ERBB4: variants seen among roughly 807,000 people sequenced by gnomAD.
ERBB4 encodes the protein receptor tyrosine-protein kinase erbB-4.
In ERBB4, 42 loss-of-function variants were observed where a neutral mutation model predicts 158.0. The ratio of observed to expected loss-of-function variants is 0.27; its 90% CI spans 0.21 to 0.34. The LOEUF (loss-of-function observed/expected upper bound fraction) is 0.34. Among genes scored for constraint, ERBB4 ranks in the 10% least tolerant of loss-of-function variants. ERBB4 has a pLI of 1.00. For synonymous variants in ERBB4, 583 were observed against 558.7 expected, an observed-to-expected ratio of 1.04 and a Z score of -0.61; for missense variants, 1,333 against 1,624.1, an observed-to-expected ratio of 0.82 and a Z score of 3.08.
At chr2:212,000,655 A>G (rs546299210) in intron 2 of ERBB4, among the ~76,000 whole-genome samples, 3 of 152,008 alleles carry the variant, frequency 2.0e-5, no homozygotes, top group African/African-American at 7.2e-5. Flanking sequence ...CTATAGCTGA[A>G]ATTTAAATGG....
chr2:211,399,962 A>G (rs929273191), intron 25 of ERBB4, among the ~76,000 whole-genome samples: 1 of 152,184 alleles, frequency 6.6e-6, no homozygotes, highest in Middle Eastern at 3.2e-3. Flanking sequence ...ACAAACACAT[A>G]AGGAAGGACC....
At chr2:211,425,499 T>C (rs1486220207) in intron 22 of ERBB4, among the ~76,000 whole-genome samples, 1 of 152,024 alleles carries the variant, frequency 6.6e-6, no homozygotes. Flanking sequence ...CTGATTGTTA[T>C]TACATCTTTA....
chr2:211,634,022 G>A (rs542486514), intron 16 of ERBB4, among the ~76,000 whole-genome samples: 4 of 152,302 alleles, frequency 2.6e-5, no homozygotes, highest in African/African-American at 7.2e-5. Context: ...AGCTGGGCGT[G>A]GTGGCATGCA....
chr2:211,866,470 T>C (rs1170280890), intron 3 of ERBB4, among the ~76,000 whole-genome samples: 1 of 152,176 alleles, frequency 6.6e-6, no homozygotes, highest in African/African-American at 2.4e-5. Flanking sequence ...CAATACTATA[T>C]TATTGTACAA....
chr2:211,741,466 C>CACACACACAA (rs2106184059), intron 5 of ERBB4, among the ~76,000 whole-genome samples: 1 of 151,382 alleles, frequency 6.6e-6, no homozygotes, highest in Admixed American at 6.6e-5. Context: ...CACACACACA[C>CACACACACAA]ACACACACAC....
At chr2:211,735,115 T>C (rs1451819368) in intron 5 of ERBB4, among the ~76,000 whole-genome samples, 1 of 152,022 alleles carries the variant, frequency 6.6e-6, no homozygotes, top group Non-Finnish European at 1.5e-5. Context: ...TACCAAATAT[T>C]ACCATAAAGT....
intron 2 of ERBB4, among the ~76,000 whole-genome samples, chr2:211,977,530 T>TAAAAAA (rs1394107563): frequency 3.0e-4 from 2 of 6,688 alleles, no homozygotes; most frequent in African/African-American, 8.3e-4. Flanking sequence ...GATATTGACT[T>TAAAAAA]TAAAAAAAAA....
intron 2 of ERBB4, among the ~76,000 whole-genome samples, chr2:212,056,016 G>A (rs1202943912): frequency 6.6e-6 from 1 of 152,162 alleles, no homozygotes; most frequent in Non-Finnish European, 1.5e-5. Flanking sequence ...TCGCAAAGAA[G>A]CTAAAAACCT....
intron 3 of ERBB4, among the ~76,000 whole-genome samples, chr2:211,930,822 T>C (rs2080155246): frequency 6.6e-6 from 1 of 152,306 alleles, no homozygotes; most frequent in East Asian, 1.9e-4. Context: ...ATATATTTGG[T>C]ACTGTTTCTG....
chr2:212,005,153 T>C (rs919480115), intron 2 of ERBB4, among the ~76,000 whole-genome samples: 2 of 152,162 alleles, frequency 1.3e-5, no homozygotes, highest in African/African-American at 4.8e-5. Context: ...GAGTTCAATA[T>C]GTGTATATTT....
intron 25 of ERBB4, among the ~76,000 whole-genome samples, chr2:211,413,398 A>G (rs759685582): frequency 1.3e-5 from 2 of 151,824 alleles, no homozygotes; most frequent in Non-Finnish European, 2.9e-5. Context: ...AGCCCTTGTC[A>G]TAGGGAGGAT....
chr2:211,511,017 G>A (rs376057872), intron 20 of ERBB4, among the ~76,000 whole-genome samples: 3 of 151,322 alleles, frequency 2.0e-5, no homozygotes, highest in East Asian at 3.9e-4. Flanking sequence ...AAGCACCAAG[G>A]GATTATGAAA....
chr2:211,804,366 G>A (rs2076566268), intron 3 of ERBB4, among the ~76,000 whole-genome samples: 1 of 152,152 alleles, frequency 6.6e-6, no homozygotes, highest in South Asian at 2.1e-4. Context: ...TGATCCTTGG[G>A]AGTAGACGTG....
At chr2:211,895,386 T>C (rs962486666) in intron 3 of ERBB4, among the ~76,000 whole-genome samples, 5 of 152,178 alleles carry the variant, frequency 3.3e-5, no homozygotes, top group Admixed American at 3.3e-4. Context: ...GCTTCCCAAG[T>C]AGCTGGTACT....
intron 20 of ERBB4, among the ~76,000 whole-genome samples, chr2:211,439,609 T>C (rs1456951684): frequency 6.6e-6 from 1 of 152,194 alleles, no homozygotes; most frequent in Non-Finnish European, 1.5e-5. Flanking sequence ...TTCTGATAAG[T>C]TTTGTCGTGC....
At chr2:211,511,292 T>C (rs2065878856) in intron 20 of ERBB4, among the ~76,000 whole-genome samples, 1 of 152,060 alleles carries the variant, frequency 6.6e-6, no homozygotes, top group African/African-American at 2.4e-5. Flanking sequence ...GAAAAATATG[T>C]TAAGCTAATT....
chr2:211,418,367 A>T (rs1183463777), intron 25 of ERBB4, among the ~76,000 whole-genome samples: 1 of 152,174 alleles, frequency 6.6e-6, no homozygotes, highest in African/African-American at 2.4e-5. Flanking sequence ...ATGACAAATA[A>T]AGCTTTTTAA....
At chr2:211,667,565 T>TA (rs1457554080) in intron 14 of ERBB4, among the ~76,000 whole-genome samples, 2 of 152,120 alleles carry the variant, frequency 1.3e-5, no homozygotes, top group African/African-American at 2.4e-5. Context: ...AACACCTGCT[T>TA]ATGGGTACTT....
intron 20 of ERBB4, among the ~76,000 whole-genome samples, chr2:211,471,116 G>T (rs1174670737): frequency 6.6e-6 from 1 of 152,066 alleles, no homozygotes. Context: ...AAGGAGGCCC[G>T]GGAGGATAAG....
Sources: allele counts gnomAD v4.1 joint callset (sites outside exome capture counted in the v4.1 genomes callset), GRCh38; gene constraint gnomAD v4.1.1; transcripts MANE v1.5; gene names NCBI Gene and HGNC (gene_info 2026-07-23, HGNC 2026-07-21).